The following LRRC7 variants were observed in gnomAD, a reference collection of about 807,000 sequenced individuals.
LRRC7 encodes the protein leucine-rich repeat-containing protein 7.
A neutral mutation model predicts 175.7 loss-of-function variants in LRRC7; 23 were observed. The ratio of observed to expected loss-of-function variants is 0.13; its 90% confidence interval spans 0.09 to 0.19. LRRC7 has a LOEUF of 0.19. Among genes scored for constraint, LRRC7 ranks in the 10% least tolerant of loss-of-function variants. The pLI, the probability that LRRC7 is intolerant of heterozygous loss-of-function variation, is 1.00. For synonymous variants in LRRC7, 685 were observed against 680.9 expected, an observed-to-expected ratio of 1.01 and a Z score of -0.09; for missense variants, 1,354 against 1,904.7, an observed-to-expected ratio of 0.71 and a Z score of 5.38.
chr1:69,581,670 T>C (rs1285853875), intron 1 of LRRC7, among the ~76,000 whole-genome samples: 1 of 152,218 alleles, frequency 6.6e-6, no homozygotes, highest in African/African-American at 2.4e-5. Flanking sequence ...AATACTTCTA[T>C]AGGGAAAAGT....
rs1337231720 is a variant in LRRC7, at chr1:69,762,299, G to A, written c.303+1906G>A. Among the ~76,000 whole-genome samples the A allele has an allele frequency of 2.0e-5, 3 of 151,964 alleles. No homozygotes were observed. The East Asian group carries it at 5.8e-4, about 29-fold the overall frequency. On this transcript the variant is annotated intron_variant, in intron 3 of 26. Transcript: ENST00000651989. ...CTACTACACAGTACTTGAAGCTTTA[G>A]GGAGGTTACAAGAGAAATAAATCTC... is the stretch of plus-strand genomic sequence containing the variant.
intron 18 of LRRC7, among the ~76,000 whole-genome samples, chr1:70,033,521 A>G (rs1266673786): frequency 6.6e-6 from 1 of 152,154 alleles, no homozygotes; most frequent in Non-Finnish European, 1.5e-5. Context: ...GTGCAAATTC[A>G]TCATTCTTGT....
chr1:69,685,385 G>A (rs1027556854), intron 2 of LRRC7, among the ~76,000 whole-genome samples: 12 of 152,068 alleles, frequency 7.9e-5, no homozygotes, highest in Non-Finnish European at 1.6e-4. Flanking sequence ...ACAATCCACT[G>A]ACCCCAATAC....
At chr1:69,889,552 A>G (rs535857666) in intron 7 of LRRC7, among the ~76,000 whole-genome samples, 1 of 152,302 alleles carries the variant, frequency 6.6e-6, no homozygotes, top group Non-Finnish European at 1.5e-5. Context: ...CACTCCTGTA[A>G]TCCCAGCACT....
At chr1:70,037,837 C>G (rs1223618050) in intron 20 of LRRC7, among the ~76,000 whole-genome samples, 1 of 151,970 alleles carries the variant, frequency 6.6e-6, no homozygotes, top group African/African-American at 2.4e-5. Context: ...AGTTTATATT[C>G]TAGCAGAGGA....
chr1:69,936,302 C>T (rs1648015707), intron 8 of LRRC7, among the ~76,000 whole-genome samples: 1 of 152,134 alleles, frequency 6.6e-6, no homozygotes, highest in Admixed American at 6.6e-5. Flanking sequence ...ATTACAACGG[C>T]ATTGACCCTA....
chr1:69,677,508 G>C (rs1659941457), intron 1 of LRRC7, among the ~76,000 whole-genome samples: 1 of 151,758 alleles, frequency 6.6e-6, no homozygotes, highest in South Asian at 2.1e-4. Flanking sequence ...TTTTCATAGA[G>C]AGTATACTAG....
intron 7 of LRRC7, chr1:69,919,478 G>A: frequency 1.0e-6 from 1 of 969,450 alleles, no homozygotes; most frequent in Non-Finnish European, 1.6e-6. Flanking sequence ...AGCGGGAACA[G>A]CAGCAGTGGC....
intron 23 of LRRC7, among the ~76,000 whole-genome samples, chr1:70,062,989 A>AT (rs1661698861): frequency 6.6e-6 from 1 of 152,070 alleles, no homozygotes; most frequent in Non-Finnish European, 1.5e-5. Flanking sequence ...TTTGTATTGG[A>AT]TTTTTCTTAA....
intron 7 of LRRC7, among the ~76,000 whole-genome samples, chr1:69,854,928 A>G (rs1683420148): frequency 6.6e-6 from 1 of 152,132 alleles, no homozygotes; most frequent in South Asian, 2.1e-4. Flanking sequence ...TTTAGAGTGC[A>G]GCAAACATGA....
intron 1 of LRRC7, among the ~76,000 whole-genome samples, chr1:69,666,234 T>C (rs1658246843): frequency 6.6e-6 from 1 of 152,158 alleles, no homozygotes; most frequent in South Asian, 2.1e-4. Context: ...GCTAGTATTT[T>C]GTTGCAAATG....
intron 13 of LRRC7, among the ~76,000 whole-genome samples, chr1:70,014,423 T>C (rs1450226440): frequency 6.6e-6 from 1 of 152,012 alleles, no homozygotes; most frequent in Non-Finnish European, 1.5e-5. Flanking sequence ...GGGTGAAATT[T>C]ATGAATAATA....
intron 22 of LRRC7, among the ~76,000 whole-genome samples, chr1:70,046,533 A>G (rs992920199): frequency 1.3e-5 from 2 of 152,152 alleles, no homozygotes. Context: ...AAAAGTAGAG[A>G]AGGCAAGGGA....
At chr1:69,627,867 T>A (rs1371760696) in intron 1 of LRRC7, among the ~76,000 whole-genome samples, 2 of 151,624 alleles carry the variant, frequency 1.3e-5, no homozygotes, top group Non-Finnish European at 3.0e-5. Flanking sequence ...TAATGTAAGA[T>A]AAAGATCTAA....
rs80034845 is a variant in LRRC7 at position 70,050,741 on chromosome 1, A to G, written c.4111-2285A>G. The stretch of plus-strand genomic sequence containing the variant: ...GCTACTCAATTTATATACAATAGCT[A>G]TACTCCTTTGGGAAAGAATATGCAC... On this transcript the variant is annotated intron_variant, in intron 22 of 26. Transcript: ENST00000651989. Among the ~76,000 whole-genome samples the G allele has an allele frequency of 5.9e-5, 9 of 152,164 alleles. No individual in the cohort carries two copies. The East Asian group carries it at 1.3e-3, about 23-fold the overall frequency.
At position 69,717,762 on chromosome 1, in the gene LRRC7, A is replaced by AAAGAAAGAAAGAAAGAAAG. The variant is rs1557640309; in HGVS notation, c.100+39286_100+39287insGAAAGAAAGAAAGAAAGAA. On this transcript the variant is annotated intron_variant, in intron 2 of 26. Coordinates refer to ENST00000651989, the MANE Select transcript of LRRC7 (RefSeq NM_001370785.2). ...ATTTAAAAGATATTGGAACATGAAA[A>AAAGAAAGAAAGAAAGAAAG]AAAGAAAAAAAGAAAGAAAGAAAGA... Among the ~76,000 whole-genome samples, 17 of 40,842 alleles carry AAAGAAAGAAAGAAAGAAAG rather than the reference A, an allele frequency of 4.2e-4. 4 individuals carry two copies. The highest frequency in any genetic ancestry group is 1.9e-3 in the African/African-American group (13 of 6,934). 26.8% of individuals were successfully genotyped at this position (40,842 alleles called of 152,430 possible).
chr1:69,998,402 T>G (rs1655213564), intron 11 of LRRC7, among the ~76,000 whole-genome samples: 1 of 152,146 alleles, frequency 6.6e-6, no homozygotes, highest in African/African-American at 2.4e-5. Context: ...CTTTGAAGAG[T>G]AGTAAAAGTC....
chr1:69,832,494 C>G (rs975528270), intron 5 of LRRC7, among the ~76,000 whole-genome samples: 9 of 152,060 alleles, frequency 5.9e-5, no homozygotes, highest in Non-Finnish European at 1.2e-4. Context: ...ACATGTATTT[C>G]ACAGAAAAGG....
intron 4 of LRRC7, among the ~76,000 whole-genome samples, chr1:69,795,912 G>GTTTTT (rs781358321): frequency 1.9e-4 from 28 of 149,506 alleles, no homozygotes; most frequent in African/African-American, 6.9e-4. Context: ...TTTTTTTTGG[G>GTTTTT]TTTTTTTTTG....
Sources: gnomAD v4.1 joint callset for allele counts (sites outside exome capture counted in the v4.1 genomes callset) on GRCh38, gnomAD v4.1.1 for gene constraint, MANE v1.5 for transcripts, NCBI Gene and HGNC (gene_info 2026-07-23, HGNC 2026-07-21) for gene names.